CDH13: variants seen among roughly 807,000 people sequenced by gnomAD.
CDH13 encodes the protein cadherin-13.
Under a neutral mutation model 63.8 loss-of-function variants are expected in CDH13, and 24 were observed. The observed-to-expected ratio is 0.38, with a 90% CI of 0.27 to 0.53. CDH13 has a LOEUF of 0.53. Among genes scored for constraint, CDH13 ranks in the 20% least tolerant of loss-of-function variants. CDH13 has a pLI of 0.85. For missense variants in CDH13, 1,049 were observed against 903.1 expected (o/e 1.16, Z -2.07); for synonymous variants, 503 against 355.3 (o/e 1.42, Z -4.67).
intron 3 of CDH13, among the ~76,000 whole-genome samples, chr16:83,055,803 A>C (rs2030866797): frequency 6.6e-6 from 1 of 152,180 alleles, no homozygotes; most frequent in African/African-American, 2.4e-5. Context: ...AAAGAAGGAA[A>C]AATTATAAGC....
At chr16:82,859,825 C>G (rs1029558863) in intron 2 of CDH13, 1 of 152,010 alleles carries the variant, frequency 6.6e-6, no homozygotes, top group Middle Eastern at 3.2e-3. Flanking sequence ...TGAAGATGCA[C>G]TGTTGAGCAT....
intron 1 of CDH13, among the ~76,000 whole-genome samples, chr16:82,716,283 C>T (rs548084120): frequency 6.6e-6 from 1 of 152,204 alleles, no homozygotes; most frequent in South Asian, 2.1e-4. Context: ...TAGAAACTAA[C>T]AGCCCATCCC....
chr16:82,633,010 G>C (rs777792903), intron 1 of CDH13, among the ~76,000 whole-genome samples: 35 of 152,286 alleles, frequency 2.3e-4, no homozygotes, highest in Non-Finnish European at 3.7e-4. Flanking sequence ...TCTGACAGGA[G>C]GCAGAGCCCA....
At chr16:83,364,800 G>A (rs1429853725) in intron 6 of CDH13, among the ~76,000 whole-genome samples, 1 of 152,208 alleles carries the variant, frequency 6.6e-6, no homozygotes, top group Non-Finnish European at 1.5e-5. Context: ...GAGATTCATT[G>A]TAAGAAATTG....
rs539281703 is a variant in CDH13, at chr16:83,750,754, C to T, written c.1681+2504C>T. 3.9e-5 allele frequency among the ~76,000 whole-genome samples: 6 copies of T among 152,264 alleles called. No homozygotes were observed. In the South Asian group the frequency reaches 1.0e-3, roughly 26 times the overall value. The stretch of plus-strand genomic sequence containing the variant: ...GCTGGGGGAGAGGCTGGGAGGAGAG[C>T]CTTCCTCACATCCCTCAGCAGGAAC... On this transcript the variant is annotated intron_variant, in intron 11 of 13. Transcript: ENST00000567109.
chr16:83,438,791 C>T (rs777014380), intron 6 of CDH13, among the ~76,000 whole-genome samples: 7 of 152,142 alleles, frequency 4.6e-5, no homozygotes, highest in African/African-American at 1.7e-4. Context: ...ATATTTTGTA[C>T]GTTTGAGACT....
At chr16:83,558,873 G>C (rs374445772) in intron 7 of CDH13, among the ~76,000 whole-genome samples, 1 of 152,188 alleles carries the variant, frequency 6.6e-6, no homozygotes, top group Non-Finnish European at 1.5e-5. Flanking sequence ...CGTAGTGTGC[G>C]GGTATCCGAA....
intron 8 of CDH13, among the ~76,000 whole-genome samples, chr16:83,668,548 A>G (rs1914212729): frequency 1.3e-5 from 2 of 152,236 alleles, no homozygotes; most frequent in South Asian, 4.1e-4. Context: ...AAGAACCACA[A>G]GGACGGGTTA....
At chr16:83,268,326 C>G (rs867336968) in intron 5 of CDH13, among the ~76,000 whole-genome samples, 1 of 152,196 alleles carries the variant, frequency 6.6e-6, no homozygotes, top group Non-Finnish European at 1.5e-5. Flanking sequence ...TGCTGGTGAG[C>G]TGTGTGTAGC....
chr16:83,154,058 A>C (rs1012955147), intron 4 of CDH13, among the ~76,000 whole-genome samples: 1 of 152,166 alleles, frequency 6.6e-6, no homozygotes, highest in Non-Finnish European at 1.5e-5. Flanking sequence ...GTTGATATCA[A>C]GCTTGACCAT....
rs147736465 is a variant in CDH13 at position 82,886,928 on chromosome 16, G to A, written c.157+28455G>A. On this transcript the variant is annotated intron_variant, in intron 2 of 13. Transcript: ENST00000567109. ...AAGAAAAATGGTTGGTAATTGTAGTGGATAACTACTCCATTCTGTATGCCT... is the reference window on the plus strand; with the variant it reads ...AAGAAAAATGGTTGGTAATTGTAGTAGATAACTACTCCATTCTGTATGCCT... 3.6e-3 allele frequency among the ~76,000 whole-genome samples: 542 copies of A among 152,162 alleles called. 7 individuals carry two copies. The highest frequency in any genetic ancestry group is 0.012 in the African/African-American group (489 of 41,522).
At chr16:82,819,569 T>G (rs1190349350) in intron 1 of CDH13, among the ~76,000 whole-genome samples, 1 of 152,136 alleles carries the variant, frequency 6.6e-6, no homozygotes, top group Non-Finnish European at 1.5e-5. Flanking sequence ...CTAGCCACAC[T>G]GTGTTTCAGG....
At chr16:83,097,164 G>C (rs56275589) in intron 3 of CDH13, among the ~76,000 whole-genome samples, 20,947 of 152,080 alleles carry the variant, frequency 0.14, 1,872 homozygotes, top group Non-Finnish European at 0.2. Context: ...GGTTGCCTTT[G>C]TTTTTATTAT....
chr16:83,789,939 ACT>A (rs1461893466), intron 13 of CDH13: 4 of 151,348 alleles, frequency 2.6e-5, no homozygotes, highest in African/African-American at 9.7e-5. Context: ...GAAAATATTA[ACT>A]CTCTGGCCCT....
intron 2 of CDH13, among the ~76,000 whole-genome samples, chr16:82,972,576 A>G (rs1230224789): frequency 6.6e-6 from 1 of 152,204 alleles, no homozygotes; most frequent in Non-Finnish European, 1.5e-5. Context: ...TAGTAACAGC[A>G]CTTCCATCCT....
chr16:82,868,211 A>G (rs1001325947), intron 2 of CDH13, among the ~76,000 whole-genome samples: 2 of 152,172 alleles, frequency 1.3e-5, no homozygotes, highest in African/African-American at 2.4e-5. Flanking sequence ...AATTCACTCT[A>G]TCATTATGAA....
rs776856128 is a variant in CDH13 at position 83,610,262 on chromosome 16, C to T, written c.1101+7668C>T. 6.6e-5 allele frequency among the ~76,000 whole-genome samples: 10 copies of T among 152,100 alleles called. 1 individual carries two copies. Among genetic ancestry groups the T allele is most frequent in the Non-Finnish European group, 1.2e-4 (8 of 68,008 alleles). On this transcript the variant is annotated intron_variant, in intron 8 of 13. Transcript: ENST00000567109. ...TAAAAAAAAAAAGTACCCATAATATCACTCCAAATTAGTAATCTGTAATTC... is the reference window on the plus strand; with the variant it reads ...TAAAAAAAAAAAGTACCCATAATATTACTCCAAATTAGTAATCTGTAATTC...
intron 6 of CDH13, among the ~76,000 whole-genome samples, chr16:83,363,840 A>G (rs928208881): frequency 6.6e-6 from 1 of 152,196 alleles, no homozygotes; most frequent in Non-Finnish European, 1.5e-5. Context: ...CCACAGAGTT[A>G]AAGTAAAATG....
chr16:82,902,002 G>T (rs949254908), intron 2 of CDH13, among the ~76,000 whole-genome samples: 1 of 152,180 alleles, frequency 6.6e-6, no homozygotes, highest in Non-Finnish European at 1.5e-5. Context: ...TTAGTGACTT[G>T]TCCAAGGTCA....
Sources: gnomAD v4.1 joint callset for allele counts (sites outside exome capture counted in the v4.1 genomes callset) on GRCh38, gnomAD v4.1.1 for gene constraint, MANE v1.5 for transcripts, NCBI Gene and HGNC (gene_info 2026-07-23, HGNC 2026-07-21) for gene names.